IQSEC1: variants seen among roughly 807,000 people sequenced by gnomAD.
The protein encoded by IQSEC1 is IQ motif and SEC7 domain-containing protein 1.
IQSEC1 carries 31 observed loss-of-function variants against 91.0 expected under a neutral mutation model. That is an observed-to-expected ratio of 0.34 (90% confidence interval 0.26 to 0.46). The LOEUF (loss-of-function observed/expected upper bound fraction) is 0.46, where lower values mean the gene tolerates loss of function less well. Among genes scored for constraint, IQSEC1 ranks in the 20% least tolerant of loss-of-function variants. IQSEC1 has a pLI of 1.00. For missense variants in IQSEC1, 1,388 were observed against 1,575.6 expected (o/e 0.88, Z 2.02); for synonymous variants, 699 against 662.6 (o/e 1.05, Z -0.84).
intron 1 of IQSEC1, among the ~76,000 whole-genome samples, chr3:13,195,284 GATGCCACTGC>G (rs774934448): frequency 6.6e-6 from 1 of 152,168 alleles, no homozygotes; most frequent in Middle Eastern, 3.2e-3. Context: ...TGCAAGATGA[GATGCCACTGC>G]ATGCCTACCG....
At chr3:13,099,195 C>A (rs1490275897) in intron 2 of IQSEC1, among the ~76,000 whole-genome samples, 1 of 152,120 alleles carries the variant, frequency 6.6e-6, no homozygotes, top group Non-Finnish European at 1.5e-5. Context: ...GGGCCATAGC[C>A]CCTGGAGAGG....
intron 1 of IQSEC1, among the ~76,000 whole-genome samples, chr3:13,266,693 T>C (rs1302266842): frequency 1.3e-5 from 2 of 151,338 alleles, no homozygotes; most frequent in Admixed American, 6.6e-5. Context: ...CTCTCCAAGG[T>C]AGGCACAGGG....
chr3:13,183,210 C>A (rs980040052), intron 1 of IQSEC1, among the ~76,000 whole-genome samples: 25 of 147,336 alleles, frequency 1.7e-4, no homozygotes, highest in Admixed American at 8.2e-4. Flanking sequence ...AACAAACAAA[C>A]ATAAATAAAT....
chr3:13,103,072 G>C lies in IQSEC1; in HGVS notation c.303-55550C>G, dbSNP rs1706091571. On this transcript the variant is annotated intron_variant, in intron 2 of 15. Coordinates refer to the IQSEC1 transcript ENST00000648114. The surrounding 1 kb of genome is among the most constrained non-coding windows in gnomAD (Gnocchi z 4.1). ...GGAAGGGACTCTGACTTCTGCGCAGGGATGCAGCTTGCTCCCATGCTCTGA... is the reference window on the plus strand; with the variant it reads ...GGAAGGGACTCTGACTTCTGCGCAGCGATGCAGCTTGCTCCCATGCTCTGA... Among the ~76,000 whole-genome samples the C allele has an allele frequency of 1.3e-5, 2 of 151,940 alleles. No homozygotes were observed. The highest frequency in any genetic ancestry group is 4.1e-4 in the South Asian group (2 of 4,820).
Position 12,899,682 on chromosome 3 carries a change from G to C in IQSEC1, c.*1301C>G. 3 of 985,420 alleles carry C rather than the reference G, an allele frequency of 3.0e-6. No homozygotes were observed. Among genetic ancestry groups the C allele is most frequent in the South Asian group, 4.7e-5 (1 of 21,288 alleles). The allele number at this position is 985,420 out of a possible 1,614,324, so 61.0% of individuals were successfully genotyped here. ...TAGCACATGGCTACATGGAATTACG[G>C]TGATCACTGCTACCACTCAGAAAAC... On this transcript the variant is annotated 3_prime_UTR_variant, in exon 14 of 14. Coordinates refer to ENST00000613206, the MANE Select transcript of IQSEC1 (RefSeq NM_001134382.3).
chr3:13,208,936 A>G (rs996923940), intron 1 of IQSEC1, among the ~76,000 whole-genome samples: 3 of 152,300 alleles, frequency 2.0e-5, no homozygotes, highest in South Asian at 2.1e-4. Context: ...GGGCCAGTTC[A>G]AAGTCAGTGG....
chr3:12,901,563 C>A, intron 13 of IQSEC1, 41 bp from the exon 14 acceptor site: 1 of 1,477,698 alleles, frequency 6.8e-7, no homozygotes, highest in South Asian at 1.3e-5. Context: ...AAAAGATCTT[C>A]AAGCACTTAG....
intron 1 of IQSEC1, among the ~76,000 whole-genome samples, chr3:13,222,717 G>GA (rs1180267478): frequency 6.6e-6 from 1 of 152,210 alleles, no homozygotes; most frequent in African/African-American, 2.4e-5. Flanking sequence ...AAACAGGCTT[G>GA]GGAAACTGAT....
Position 12,940,323 on chromosome 3 carries a change from C to A in IQSEC1, c.318+1248G>T, listed in dbSNP as rs959970053. ...GCACCACTCCCTTAGGAAGTTGGGGCACACCAGGCCCAGAACTCTACTCCT... is the reference window on the plus strand; with the variant it reads ...GCACCACTCCCTTAGGAAGTTGGGGAACACCAGGCCCAGAACTCTACTCCT... On this transcript the variant is annotated intron_variant, in intron 2 of 13. Coordinates refer to ENST00000613206, the MANE Select transcript of IQSEC1 (RefSeq NM_001134382.3). This position sits in a 1 kb window ranked among gnomAD's most constrained non-coding sequence, Gnocchi z 4.4. Among the ~76,000 whole-genome samples the A allele has an allele frequency of 6.6e-5, 10 of 152,062 alleles. No homozygotes were observed. Among genetic ancestry groups the A allele is most frequent in the Admixed American group, 5.2e-4 (8 of 15,280 alleles).
chr3:13,084,015 G>A (rs1234337659), intron 2 of IQSEC1, among the ~76,000 whole-genome samples: 2 of 152,202 alleles, frequency 1.3e-5, no homozygotes, highest in South Asian at 2.1e-4. Context: ...AGGGGAGGGC[G>A]GAAGGCCATA....
At chr3:13,092,791 A>C (rs1236633482) in intron 2 of IQSEC1, among the ~76,000 whole-genome samples, 2 of 152,150 alleles carry the variant, frequency 1.3e-5, no homozygotes, top group African/African-American at 4.8e-5. Flanking sequence ...CCCACCTTGC[A>C]GGGTTCCTGT....
intron 1 of IQSEC1, among the ~76,000 whole-genome samples, chr3:13,198,601 T>C (rs2125045080): frequency 6.6e-6 from 1 of 152,304 alleles, no homozygotes; most frequent in East Asian, 1.9e-4. Context: ...GAGTTTGGCT[T>C]GGTGGTGACC....
At chr3:12,963,619 C>A (rs926729284) in intron 1 of IQSEC1, among the ~76,000 whole-genome samples, 1 of 152,176 alleles carries the variant, frequency 6.6e-6, no homozygotes, top group Admixed American at 6.5e-5. Context: ...CTTTTGGCTC[C>A]ATTTCATGGA....
chr3:13,015,298 C>T (rs145776109), intron 1 of IQSEC1, among the ~76,000 whole-genome samples: 1 of 152,158 alleles, frequency 6.6e-6, no homozygotes, highest in South Asian at 2.1e-4. Context: ...TGGTTCTCAA[C>T]CCTAATGGGG....
intron 2 of IQSEC1, among the ~76,000 whole-genome samples, chr3:13,104,055 C>T (rs929631482): frequency 2.6e-5 from 4 of 152,118 alleles, no homozygotes; most frequent in African/African-American, 9.7e-5. Context: ...AGCTGAGATT[C>T]GAACCCAGGC....
chr3:12,967,833 T>C lies in IQSEC1; in HGVS notation c.24-25968A>G, dbSNP rs990074095. 3 of 298,250 alleles carry C rather than the reference T, an allele frequency of 1.0e-5. No homozygotes were observed. The highest frequency in any genetic ancestry group is 1.3e-5 in the Non-Finnish European group (3 of 223,742). 18.5% of individuals were successfully genotyped at this position (298,250 alleles called of 1,614,324 possible). The stretch of plus-strand genomic sequence containing the variant: ...CGCGGGGGCGAGACTGCACGGAGCG[T>C]GTGGGGAAGAGAGCACAGGAGGCGT... On this transcript the variant is annotated intron_variant, in intron 1 of 13. Coordinates refer to ENST00000613206, the MANE Select transcript of IQSEC1 (RefSeq NM_001134382.3). The surrounding 1 kb of genome is among the most constrained non-coding windows in gnomAD (Gnocchi z 5.9).
At chr3:13,153,076 A>ACTCCCTCTCCC (rs1707027094) in intron 2 of IQSEC1, among the ~76,000 whole-genome samples, 1 of 89,962 alleles carries the variant, frequency 1.1e-5, no homozygotes, top group Non-Finnish European at 2.2e-5. Flanking sequence ...TACTCCTTTC[A>ACTCCCTCTCCC]CTCCCTCTCC....
chr3:13,245,224 G>A (rs1259179057), intron 1 of IQSEC1, among the ~76,000 whole-genome samples: 4 of 152,112 alleles, frequency 2.6e-5, no homozygotes, highest in African/African-American at 4.8e-5. Context: ...ACGAAGCCAC[G>A]GTGAGAAGAC....
At chr3:13,180,334 TC>T (rs1693816835) in intron 1 of IQSEC1, among the ~76,000 whole-genome samples, 1 of 152,192 alleles carries the variant, frequency 6.6e-6, no homozygotes, top group South Asian at 2.1e-4. Context: ...ACACTCTGTA[TC>T]TAGCTACTCT....
Sources: gnomAD v4.1 joint callset for allele counts (sites outside exome capture counted in the v4.1 genomes callset) on GRCh38, gnomAD v4.1.1 for gene constraint, Gnocchi (gnomAD v3.1) non-coding constraint, MANE v1.5 for transcripts, NCBI Gene and HGNC (gene_info 2026-07-23, HGNC 2026-07-21) for gene names.